Variants in TBC1D12 observed in about 807,000 individuals in gnomAD.
TBC1D12 encodes TBC1 domain family, member 12.
A neutral mutation model predicts 86.7 loss-of-function variants in TBC1D12; 56 were observed. That is an observed-to-expected ratio of 0.65 (90% CI 0.52 to 0.81). TBC1D12 has a LOEUF of 0.81. Among genes scored for constraint, TBC1D12 ranks in the 30% least tolerant of loss-of-function variants. The pLI is 0.00. For missense variants in TBC1D12, 1,023 were observed against 1,038.8 expected, an observed-to-expected ratio of 0.98 and a Z score of 0.21; for synonymous variants, 421 against 411.7, an observed-to-expected ratio of 1.02 and a Z score of -0.27.
chr10:94,480,056 A>G (rs975388648), intron 3 of TBC1D12, among the ~76,000 whole-genome samples: 1 of 152,200 alleles, frequency 6.6e-6, no homozygotes, highest in African/African-American at 2.4e-5. Context: ...CCTGACCTCT[A>G]CATACCTCTA....
chr10:94,443,790 G>A (rs927326273), intron 2 of TBC1D12, among the ~76,000 whole-genome samples: 1 of 152,162 alleles, frequency 6.6e-6, no homozygotes, highest in Non-Finnish European at 1.5e-5. Flanking sequence ...GGAAATGAGG[G>A]TTATGTCTAA....
intron 2 of TBC1D12, among the ~76,000 whole-genome samples, chr10:94,451,819 G>A (rs1426967720): frequency 2.6e-5 from 4 of 151,988 alleles, no homozygotes; most frequent in African/African-American, 9.7e-5. Flanking sequence ...CTAACATGAT[G>A]TCATCCTTCA....
intron 3 of TBC1D12, among the ~76,000 whole-genome samples, chr10:94,484,051 G>A (rs1298431695): frequency 1.3e-5 from 2 of 152,044 alleles, no homozygotes; most frequent in South Asian, 2.1e-4. Flanking sequence ...TTTCTCAAAT[G>A]TGTATTCTTG....
intron 1 of TBC1D12, among the ~76,000 whole-genome samples, chr10:94,435,025 G>A (rs956666499): frequency 6.6e-6 from 1 of 152,198 alleles, no homozygotes; most frequent in Admixed American, 6.5e-5. Context: ...TCATGGTGAT[G>A]AATTAGCTTT....
At chr10:94,496,205 T>C (rs1048189721) in intron 4 of TBC1D12, among the ~76,000 whole-genome samples, 11 of 152,194 alleles carry the variant, frequency 7.2e-5, no homozygotes, top group African/African-American at 2.4e-4. Flanking sequence ...ACAGTTTGGC[T>C]AGCTGGTCTC....
intron 2 of TBC1D12, among the ~76,000 whole-genome samples, chr10:94,454,506 C>A (rs1013373878): frequency 6.6e-6 from 1 of 152,146 alleles, no homozygotes; most frequent in Admixed American, 6.6e-5. Context: ...CCACTGCGCC[C>A]GGCGAGTCTT....
chr10:94,403,650 GGGAGTC>G (rs1554931130), intron 1 of TBC1D12, 66 bp downstream of exon 1: 30 of 1,298,264 alleles, frequency 2.3e-5, no homozygotes, highest in African/African-American at 3.5e-5. Flanking sequence ...GGGTCTTGGT[GGGAGTC>G]GGAGCCGGAG....
chr10:94,502,517 C>G (rs2134192789), intron 6 of TBC1D12, among the ~76,000 whole-genome samples: 1 of 152,044 alleles, frequency 6.6e-6, no homozygotes, highest in Non-Finnish European at 1.5e-5. Flanking sequence ...CCAGCCTGGG[C>G]AACATAGCGA....
chr10:94,521,274 C>A (rs1842148150), intron 9 of TBC1D12, among the ~76,000 whole-genome samples: 1 of 150,220 alleles, frequency 6.7e-6, no homozygotes. Flanking sequence ...ATGATAGCTG[C>A]CAATAACTTA....
Position 94,402,581 on chromosome 10 carries a change from T to C in TBC1D12, c.-33T>C, listed in dbSNP as rs2054780683. 2.5e-6 allele frequency: 4 copies of C among 1,607,530 alleles called. No individual in the cohort carries two copies. The highest frequency in any genetic ancestry group is 3.4e-6 in the Non-Finnish European group (4 of 1,177,284). ...CCAAGCCTGCGCCTGTAGTCCTTCT[T>C]TGCCTCCTGGGGCGGCCGCCACCCA... On this transcript the variant is annotated 5_prime_UTR_variant, in exon 1 of 13. Coordinates refer to ENST00000225235, the MANE Select transcript of TBC1D12 (RefSeq NM_015188.2).
Position 94,531,388 on chromosome 10 carries a change from T to G in TBC1D12, c.2187T>G (p.Asp729Glu). 6.2e-7 allele frequency: 1 copy of G among 1,614,114 alleles called. No homozygotes were observed. Among genetic ancestry groups the G allele is most frequent in the Non-Finnish European group, 8.5e-7 (1 of 1,180,006 alleles). Residue 729 changes from aspartate (D) to glutamate (E), a missense_variant, in exon 12 of 13, where the codon GAT (aspartate) becomes GAG (glutamate). Asp to Glu is a conservative substitution (Grantham distance 45). Coordinates refer to ENST00000225235, the MANE Select transcript of TBC1D12 (RefSeq NM_015188.2). ...IAQFLTKLPE[D>E]ITSEKLFSCI... ...AGTTTCTAACTAAATTGCCAGAAGA[T>G]ATCACATCGGAAAAGCTGTTCAGTT...
chr10:94,515,338 T>G (rs1049823562), intron 9 of TBC1D12, among the ~76,000 whole-genome samples: 2 of 151,776 alleles, frequency 1.3e-5, no homozygotes, highest in Non-Finnish European at 2.9e-5. Flanking sequence ...AGGTTTGGTT[T>G]TTTTGTTTTG....
At chr10:94,496,670 T>A (rs2056325381) in intron 4 of TBC1D12, among the ~76,000 whole-genome samples, 1 of 152,206 alleles carries the variant, frequency 6.6e-6, no homozygotes, top group Non-Finnish European at 1.5e-5. Context: ...TTATTCCACT[T>A]ACTTTTATAG....
At chr10:94,517,455 A>G (rs1321389573) in intron 9 of TBC1D12, among the ~76,000 whole-genome samples, 2 of 152,194 alleles carry the variant, frequency 1.3e-5, no homozygotes, top group Admixed American at 1.3e-4. Context: ...GAAAATTAAA[A>G]TACTGTTACT....
chr10:94,444,064 G>C (rs927243043), intron 2 of TBC1D12, among the ~76,000 whole-genome samples: 4 of 151,916 alleles, frequency 2.6e-5, no homozygotes, highest in African/African-American at 9.7e-5. Context: ...CCAGCTACTT[G>C]GGGGATGAGA....
At chr10:94,526,736 T>C (rs1379511537) in intron 11 of TBC1D12, among the ~76,000 whole-genome samples, 1 of 152,216 alleles carries the variant, frequency 6.6e-6, no homozygotes, top group African/African-American at 2.4e-5. Context: ...TTTCAATTCC[T>C]TTGGGTATAT....
In TBC1D12 at chr10:94,521,945, C is replaced by G; in HGVS notation, c.1762-10C>G. On this transcript the variant is annotated splice_polypyrimidine_tract_variant and intron_variant, in intron 9 of 12. Transcript: ENST00000225235. ...AAGTCCATTTTGACTAAATTTTTCT[C>G]CCTTTGAAGGTCCAAGGGATGTCCT... 6.4e-7 allele frequency: 1 copy of G among 1,571,108 alleles called. No homozygotes were observed. Among genetic ancestry groups the G allele is most frequent in the Non-Finnish European group, 8.7e-7 (1 of 1,152,956 alleles).
intron 11 of TBC1D12, among the ~76,000 whole-genome samples, chr10:94,526,234 C>T (rs1366511031): frequency 6.6e-6 from 1 of 151,962 alleles, no homozygotes; most frequent in Non-Finnish European, 1.5e-5. Context: ...AGTTTGAGAC[C>T]AGCCTAGGCA....
chr10:94,493,473 T>C, intron 4 of TBC1D12, 26 bp downstream of exon 4: 1 of 1,512,684 alleles, frequency 6.6e-7, no homozygotes, highest in Non-Finnish European at 9.1e-7. Flanking sequence ...CCAAATGGTA[T>C]AATTTTCTGA....
Sources: allele counts gnomAD v4.1 joint callset (sites outside exome capture counted in the v4.1 genomes callset), GRCh38; gene constraint gnomAD v4.1.1; transcripts MANE v1.5; gene names NCBI Gene and HGNC (gene_info 2026-07-23, HGNC 2026-07-21).